Variants in DUOXA2 observed in about 807,000 individuals in gnomAD.
DUOXA2 encodes dual oxidase maturation factor 2.
Under a neutral mutation model 27.6 loss-of-function variants are expected in DUOXA2, and 22 were observed. The ratio of observed to expected loss-of-function variants is 0.80; its 90% confidence interval spans 0.57 to 1.14. The LOEUF (loss-of-function observed/expected upper bound fraction) is 1.14. DUOXA2 is among the 50% of genes most tolerant of loss of function. The probability of loss-of-function intolerance (pLI) is 0.00; values close to 1 mark genes in which losing one functional copy is unlikely to be tolerated. For synonymous variants in DUOXA2, 188 were observed against 184.4 expected (o/e 1.02, Z -0.16); for missense variants, 481 against 419.9 (o/e 1.15, Z -1.27).
In DUOXA2 at chr15:45,118,194, C is replaced by T. The variant is rs757862362; in HGVS notation, c.*285C>T. ...GCTGGGCTGGAGACAGCCTAGTACACTCTCCGCAGTGCTGTGAAACCTGAT... is the reference window on the plus strand; with the variant it reads ...GCTGGGCTGGAGACAGCCTAGTACATTCTCCGCAGTGCTGTGAAACCTGAT... On this transcript the variant is annotated 3_prime_UTR_variant, in exon 6 of 6. Coordinates refer to ENST00000323030, the MANE Select transcript of DUOXA2 (RefSeq NM_207581.4). 182 of 1,427,900 alleles carry T rather than the reference C, an allele frequency of 1.3e-4. No individual in the cohort carries two copies. Among genetic ancestry groups the T allele is most frequent in the Non-Finnish European group, 1.6e-4 (171 of 1,096,624 alleles). The allele number at this position is 1,427,900 out of a possible 1,614,324, so 88.5% of individuals were successfully genotyped here.
In DUOXA2 at chr15:45,114,754, T is replaced by C. The variant is rs767717576; in HGVS notation, c.147+2T>C. On this transcript the variant is annotated splice_donor_variant, in intron 1 of 5. Coordinates refer to ENST00000323030, the MANE Select transcript of DUOXA2 (RefSeq NM_207581.4). LOFTEE classifies it high-confidence loss of function. The stretch of plus-strand genomic sequence containing the variant: ...TTGCCGGGGATCCGTGGCCACTCGG[T>C]AAGGGTGTCCTCATAGTGCAGGTAG... 31 of 1,614,022 alleles carry C rather than the reference T, an allele frequency of 1.9e-5. No homozygotes were observed. The highest frequency in any genetic ancestry group is 2.6e-5 in the Non-Finnish European group (31 of 1,180,016).
At chr15:45,117,420 C>G in intron 5 of DUOXA2, 115 bp downstream of exon 5, 1 of 1,519,712 alleles carries the variant, frequency 6.6e-7, no homozygotes, top group Non-Finnish European at 8.9e-7. Flanking sequence ...TTGCCCCTCT[C>G]AATAGTTCGC....
In DUOXA2 at chr15:45,116,436, C is replaced by T. The variant is rs894201026; in HGVS notation, c.341-80C>T. ...CATTTCTCCCGCCGAGAGCGCCACA[C>T]CCCCACTTTCCTGTCTGAATCCGCT... On this transcript the variant is annotated intron_variant, in intron 3 of 5. Coordinates refer to ENST00000323030, the MANE Select transcript of DUOXA2 (RefSeq NM_207581.4). 1.1e-5 allele frequency: 17 copies of T among 1,575,094 alleles called. No homozygotes were observed. The African/African-American group carries it at 1.7e-4, about 16-fold the overall frequency.
At position 45,115,578 on chromosome 15, in the gene DUOXA2, C is replaced by T. The variant is rs1005295613; in HGVS notation, c.148-221C>T. The T allele has an allele frequency of 2.3e-5, 16 of 691,612 alleles. No homozygotes were observed. In the African/African-American group the frequency reaches 2.5e-4, roughly 11 times the overall value. 42.8% of individuals were successfully genotyped at this position (691,612 alleles called of 1,614,324 possible). ...AGGAAGTGGGGGTGGAGGGGAGGTG[C>T]TGTTAGGGTAGATGGGAAATGGGGC... On this transcript the variant is annotated intron_variant, in intron 1 of 5. Transcript: ENST00000323030.
In DUOXA2 at chr15:45,114,767, A is replaced by C. The variant is rs369158457; in HGVS notation, c.147+15A>C. On this transcript the variant is annotated intron_variant, in intron 1 of 5. Coordinates refer to ENST00000323030, the MANE Select transcript of DUOXA2 (RefSeq NM_207581.4). ...GTGGCCACTCGGTAAGGGTGTCCTC[A>C]TAGTGCAGGTAGAGTGGGGGAAGGC... 1.2e-5 allele frequency: 20 copies of C among 1,614,122 alleles called. No homozygotes were observed. The African/African-American group carries it at 1.7e-4, about 14-fold the overall frequency.
At chr15:45,116,843 G>T (rs947267597) in intron 4 of DUOXA2, 114 bp downstream of exon 4, 2 of 1,313,484 alleles carry the variant, frequency 1.5e-6, no homozygotes, top group Non-Finnish European at 1.1e-6. Flanking sequence ...GACCCGACGC[G>T]CTCGGGGTGG....
chr15:45,117,040 C>T, intron 4 of DUOXA2, 51 bp from the exon 5 acceptor site: 1 of 1,576,054 alleles, frequency 6.3e-7, no homozygotes, highest in South Asian at 1.1e-5. Flanking sequence ...GTGGGAACCC[C>T]GGTGGGCTGG....
intron 4 of DUOXA2, 108 bp from the exon 5 acceptor site, chr15:45,116,983 C>T: frequency 7.4e-7 from 1 of 1,351,760 alleles, no homozygotes; most frequent in Non-Finnish European, 1.0e-6. Context: ...GCTGCCATCC[C>T]AGTCCCTGGC....
At position 45,117,175 on chromosome 15, in the gene DUOXA2, C is replaced by T; in HGVS notation, c.639C>T (p.Thr213=). Reference sequence around the variant, plus strand: ...ACGGAGGCCTGGCACTGCTGACCACCGGAGCCTTCGCGCTCTTCGGGGTCT... The same window carrying T: ...ACGGAGGCCTGGCACTGCTGACCACTGGAGCCTTCGCGCTCTTCGGGGTCT... ...PLYGGLALLT[T]GAFALFGVFA... Residue 213 remains threonine (T), a synonymous_variant, in exon 5 of 6, where the codon ACC becomes ACT. Coordinates refer to ENST00000323030, the MANE Select transcript of DUOXA2 (RefSeq NM_207581.4). The T allele has an allele frequency of 1.9e-6, 3 of 1,605,550 alleles. No individual in the cohort carries two copies. Among genetic ancestry groups the T allele is most frequent in the Middle Eastern group, 1.7e-4 (1 of 5,978 alleles).
At chr15:45,117,329 C>T (rs968501394) in intron 5 of DUOXA2, 24 bp downstream of exon 5, 1 of 1,565,800 alleles carries the variant, frequency 6.4e-7, no homozygotes, top group Non-Finnish European at 8.7e-7. Context: ...GAATGGGCCC[C>T]GGGGGCTAAG....
intron 1 of DUOXA2, 146 bp from the exon 2 acceptor site, chr15:45,115,653 C>T (rs1465408107): frequency 1.3e-5 from 12 of 954,326 alleles, no homozygotes; most frequent in Non-Finnish European, 2.0e-5. Flanking sequence ...GCCAGTAGCC[C>T]AGAGGGACTT....
intron 5 of DUOXA2, 98 bp downstream of exon 5, chr15:45,117,403 A>G: frequency 6.6e-7 from 1 of 1,507,900 alleles, no homozygotes; most frequent in Non-Finnish European, 8.9e-7. Context: ...CACATCTATT[A>G]CCCTATTTGC....
At position 45,117,861 on chromosome 15, in the gene DUOXA2, C is replaced by G. The variant is rs374399422; in HGVS notation, c.915C>G (p.His305Gln). The change falls in exon 6 of 6, where the codon CAC becomes CAG. Residue 305 changes from histidine (H) to glutamine (Q), a missense_variant. Physicochemically the swap from His to Gln is conservative, Grantham distance 24. Transcript: ENST00000323030. ...GSPLILGDPL[H>Q]KQAALPDLKC... Reference sequence around the variant, plus strand: ...CTCTTATCCTCGGCGACCCACTGCACAAGCAGGCCGCTCTCCCAGACTTAA... The same window carrying G: ...CTCTTATCCTCGGCGACCCACTGCAGAAGCAGGCCGCTCTCCCAGACTTAA... 6.2e-7 allele frequency: 1 copy of G among 1,613,718 alleles called. No individual in the cohort carries two copies. Among genetic ancestry groups the G allele is most frequent in the Admixed American group, 1.7e-5 (1 of 60,036 alleles).
rs1202419116 is a variant in DUOXA2, at chr15:45,117,280, C to T, written c.744C>T (p.Ala248=). 2 of 1,601,762 alleles carry T rather than the reference C, an allele frequency of 1.2e-6. No individual in the cohort carries two copies. Among genetic ancestry groups the T allele is most frequent in the East Asian group, 2.2e-5 (1 of 44,566 alleles). Residue 248 remains alanine, a synonymous_variant, in exon 5 of 6, where the codon GCC becomes GCT. Transcript: ENST00000323030. ...GSSALTTQYG[A]AFWVTLATGV... is the part of the protein sequence containing the mutation. ...CCGCGCTCACCACTCAGTACGGCGC[C>T]GCCTTCTGGGTCACGCTGGCAACCG...
chr15:45,114,860 C>T lies in DUOXA2; in HGVS notation c.147+108C>T. The T allele has an allele frequency of 2.6e-6, 4 of 1,517,588 alleles. No individual in the cohort carries two copies. In the South Asian group the frequency reaches 3.4e-5, roughly 13 times the overall value. 94.0% of individuals were successfully genotyped at this position (1,517,588 alleles called of 1,614,324 possible). On this transcript the variant is annotated intron_variant, in intron 1 of 5. Transcript: ENST00000323030. Reference sequence around the variant, plus strand: ...CTGTACAAGAGCCTCCATGAATAGTCGAATTGAGGCTCAGGTGGAGTGAAG... The same window carrying T: ...CTGTACAAGAGCCTCCATGAATAGTTGAATTGAGGCTCAGGTGGAGTGAAG...
At position 45,116,693 on chromosome 15, in the gene DUOXA2, AC is replaced by A; in HGVS notation, c.520del (p.His174ThrfsTer38). The A allele has an allele frequency of 1.2e-6, 2 of 1,613,650 alleles. No homozygotes were observed. The highest frequency in any genetic ancestry group is 1.7e-6 in the Non-Finnish European group (2 of 1,180,048). The stretch of plus-strand genomic sequence containing the variant: ...AGCCCTTGCGGCCTGTACCACCAGT[AC>A]CACCTGGCGGGACACTACGCCTCGG... Reference protein sequence around the residue: ...PSSPCGLYHQYHLAGHYASAT... With the variant: ...PSSPCGLYHQXHLAGHYASAT... On this transcript the variant is annotated frameshift_variant, in exon 4 of 6. Coordinates refer to ENST00000323030, the MANE Select transcript of DUOXA2 (RefSeq NM_207581.4). LOFTEE classifies it high-confidence loss of function.
Position 45,118,267 on chromosome 15 carries a change from G to C in DUOXA2, c.*358G>C. The C allele has an allele frequency of 7.3e-7, 1 of 1,378,036 alleles. No homozygotes were observed. Among genetic ancestry groups the C allele is most frequent in the Non-Finnish European group, 9.3e-7 (1 of 1,072,018 alleles). The allele number at this position is 1,378,036 out of a possible 1,614,324, so 85.4% of individuals were successfully genotyped here. A position where few individuals can be genotyped will look rare whatever the true frequency, so the allele number is the denominator to read the frequency against. On this transcript the variant is annotated 3_prime_UTR_variant, in exon 6 of 6. Transcript: ENST00000323030. ...ATAGGGGCGCCCTCTAGTGAGGCCG[G>C]AGGGACCCTACCAGAGCTAGCATCT...
rs778410503 is a variant in DUOXA2 at position 45,116,587 on chromosome 15, T to TA, written c.413dup (p.Tyr138Ter). The change falls in exon 4 of 6, where the codon TAC becomes TAAC. Residue 138 changes from tyrosine to a stop codon, truncating the protein, a stop_gained and frameshift_variant. Coordinates refer to ENST00000323030, the MANE Select transcript of DUOXA2 (RefSeq NM_207581.4). LOFTEE classifies it high-confidence loss of function. ...EQFTWRLKENYAAEYANALEK... is the reference protein window; with the variant it reads ...EQFTWRLKEN ...GTTCACCTGGCGTCTGAAAGAGAAT[T>TA]ACGCCGCGGAGTACGCGAACGCACT... 81 of 1,613,946 alleles carry TA rather than the reference T, an allele frequency of 5.0e-5. No homozygotes were observed. The East Asian group carries it at 1.7e-3, about 34-fold the overall frequency.
chr15:45,117,963 C>T lies in DUOXA2; in HGVS notation c.*54C>T, dbSNP rs1366657998. ...CCTTGGGACATCGCAGGCCGGGAAG[C>T]AGTGCCCGCCAGGCCTGGGCCAGGA... On this transcript the variant is annotated 3_prime_UTR_variant, in exon 6 of 6. Coordinates refer to ENST00000323030, the MANE Select transcript of DUOXA2 (RefSeq NM_207581.4). 26 of 1,612,726 alleles carry T rather than the reference C, an allele frequency of 1.6e-5. No homozygotes were observed. In the Middle Eastern group the frequency reaches 2.5e-3, roughly 154 times the overall value.
Sources: allele counts gnomAD v4.1 joint callset, GRCh38; gene constraint gnomAD v4.1.1; transcripts MANE v1.5; gene names NCBI Gene and HGNC (gene_info 2026-07-23, HGNC 2026-07-21).